Variants in ABCA7 observed in about 807,000 individuals in gnomAD.
ABCA7 encodes the protein phospholipid-transporting ATPase ABCA7.
In ABCA7, 261 loss-of-function variants were observed where a neutral mutation model predicts 227.6. That is an observed-to-expected ratio of 1.15 (90% CI 1.04 to 1.27). The LOEUF is 1.27. ABCA7 is among the 50% of genes most tolerant of loss of function. The pLI is 0.00. For synonymous variants in ABCA7, 1,488 were observed against 1,279.7 expected (o/e 1.16, Z -3.47); for missense variants, 3,331 against 2,924.5 (o/e 1.14, Z -3.21).
At chr19:1,042,581 C>T in intron 6 of ABCA7, 165 bp from the exon 7 acceptor site, 1 of 1,009,814 alleles carries the variant, frequency 9.9e-7, no homozygotes, top group Non-Finnish European at 1.5e-6. Flanking sequence ...GTGAGGAAGA[C>T]TCGTCTGTGA....
chr19:1,063,943 G>A, intron 44 of ABCA7, 80 bp downstream of exon 44: 1 of 1,446,844 alleles, frequency 6.9e-7, no homozygotes, highest in East Asian at 2.5e-5. Context: ...CAAGGCCACA[G>A]GGGATGGGGG....
rs3752232 is a variant in ABCA7, at chr19:1,043,749, A to G, written c.955A>G (p.Thr319Ala). ...GGTGAACCGGACCTTCGAGGAGCTC[A>G]CCCTGCTGAGGGATGTCCGGGAGGT... ...AQVNRTFEEL[T>A]LLRDVREVWE... Residue 319 changes from threonine (T) to alanine (A), a missense_variant, in exon 10 of 47, where the codon ACC becomes GCC. Coordinates refer to ENST00000263094, the MANE Select transcript of ABCA7 (RefSeq NM_019112.4). 0.051 allele frequency: 81,831 copies of G among 1,612,638 alleles called. 3,836 individuals are homozygous for G. The highest frequency in any genetic ancestry group is 0.25 in the African/African-American group (18,473 of 74,712).
chr19:1,048,866 T>C (rs2041047439), intron 16 of ABCA7, 29 bp from the exon 17 acceptor site: 1 of 1,364,096 alleles, frequency 7.3e-7, no homozygotes, highest in Admixed American at 2.1e-5. Flanking sequence ...GGGGGTGGGC[T>C]AAGCAATAAC....
At position 1,064,220 on chromosome 19, in the gene ABCA7, G is replaced by A. The variant is rs867172033; in HGVS notation, c.6011G>A (p.Arg2004His). 1 of 1,571,842 alleles carries A rather than the reference G, an allele frequency of 6.4e-7. No homozygotes were observed. Among genetic ancestry groups the A allele is most frequent in the East Asian group, 2.4e-5 (1 of 42,284 alleles). ...GCCATCATGGTGAATGGGCGGTTCC[G>A]CTGCCTGGGCAGCCCGCAACATCTC... ...RLAIMVNGRF[R>H]CLGSPQHLKG... Residue 2004 changes from arginine to histidine, a missense_variant, in exon 45 of 47, where the codon CGC becomes CAC. Transcript: ENST00000263094.
chr19:1,049,309 C>G lies in ABCA7; in HGVS notation c.2424C>G (p.Ser808=), dbSNP rs1466993754. Residue 808 remains serine (S), a synonymous_variant, in exon 18 of 47, where the codon TCC becomes TCG. Coordinates refer to ENST00000263094, the MANE Select transcript of ABCA7 (RefSeq NM_019112.4). ...CGCCCGGCCTGAGTCCTGGCGTCTCCGTTCGCAGCCTGGAGAAGCGCTTTC... is the reference window on the plus strand; with the variant it reads ...CGCCCGGCCTGAGTCCTGGCGTCTCGGTTCGCAGCCTGGAGAAGCGCTTTC... ...EAPPGLSPGV[S]VRSLEKRFPG... The G allele has an allele frequency of 1.9e-6, 3 of 1,611,404 alleles. No individual in the cohort carries two copies. Among genetic ancestry groups the G allele is most frequent in the Non-Finnish European group, 2.5e-6 (3 of 1,179,114 alleles).
chr19:1,059,187 C>G, intron 40 of ABCA7, 102 bp downstream of exon 40: 2 of 1,254,702 alleles, frequency 1.6e-6, no homozygotes, highest in Non-Finnish European at 2.1e-6. Context: ...GTATCCACCA[C>G]CTTTTATTGG....
Position 1,057,448 on chromosome 19 carries a change from C to A in ABCA7, c.4880+19C>A, listed in dbSNP as rs1396994984. 6 of 1,599,658 alleles carry A rather than the reference C, an allele frequency of 3.8e-6. No individual in the cohort carries two copies. The highest frequency in any genetic ancestry group is 5.1e-6 in the Non-Finnish European group (6 of 1,167,384). ...TGTATGGGTGAGGCCCCCAGTCCCT[C>A]AGGGCCTATTCTTACTGACCCCTTA... On this transcript the variant is annotated intron_variant, in intron 35 of 46. Transcript: ENST00000263094.
At chr19:1,046,008 A>T (rs2040608946) in intron 12 of ABCA7, among the ~76,000 whole-genome samples, 2 of 152,086 alleles carry the variant, frequency 1.3e-5, no homozygotes, top group East Asian at 1.9e-4. Context: ...CTCCGTCTCA[A>T]ACAAATGAAT....
In ABCA7 at chr19:1,048,962, C is replaced by A. The variant is rs767377773; in HGVS notation, c.2337C>A (p.Pro779=). ...GGAGCTACTGGTGCGGACCTCGGCC[C>A]CCCAAGAGTCCAGCCCCTTGCCCCA... is the stretch of plus-strand genomic sequence containing the variant. ...FRRSYWCGPR[P]PKSPAPCPTP... The change falls in exon 17 of 47, where the codon CCC becomes CCA. Residue 779 remains proline (P), a synonymous_variant. Transcript: ENST00000263094. The A allele has an allele frequency of 1.2e-6, 2 of 1,609,092 alleles. No homozygotes were observed. Among genetic ancestry groups the A allele is most frequent in the Non-Finnish European group, 8.5e-7 (1 of 1,178,250 alleles).
At chr19:1,047,723 G>A in intron 16 of ABCA7, 69 bp downstream of exon 16, 1 of 1,458,156 alleles carries the variant, frequency 6.9e-7, no homozygotes, top group Non-Finnish European at 9.1e-7. Context: ...CTAGGGGTGT[G>A]GCCTCCAGGC....
At chr19:1,064,002 A>C in intron 44 of ABCA7, 139 bp downstream of exon 44, 3 of 1,339,122 alleles carry the variant, frequency 2.2e-6, no homozygotes, top group Non-Finnish European at 2.0e-6. Context: ...GTGTAAGGAC[A>C]CACAGAGGTG....
rs1171869239 is a variant in ABCA7, at chr19:1,056,035, G to C, written c.4239-31G>C. The C allele has an allele frequency of 6.4e-7, 1 of 1,562,550 alleles. No individual in the cohort carries two copies. Among genetic ancestry groups the C allele is most frequent in the African/African-American group, 1.4e-5 (1 of 73,824 alleles). ...GCTCTCCCGGCCCCCCCGGCCCTCA[G>C]CTCCCCTTCCCTGCCTGCATGGCCC... On this transcript the variant is annotated intron_variant, in intron 31 of 46. Transcript: ENST00000263094. This position sits in a 1 kb window ranked among gnomAD's most constrained non-coding sequence, Gnocchi z 4.3.
In ABCA7 at chr19:1,065,305, C is replaced by A. The variant is rs757382975; in HGVS notation, c.6321C>A (p.Asp2107Glu). ...FLYFSKDQGK[D>E]EDTEEQKEAG... ...ACTTCTCCAAGGACCAGGGGAAGGA[C>A]GAGGACACCGAAGAGCAGAAGGAGG... Residue 2107 changes from aspartate (D) to glutamate (E), a missense_variant, in exon 47 of 47, where the codon GAC (aspartate) becomes GAA (glutamate). Coordinates refer to ENST00000263094, the MANE Select transcript of ABCA7 (RefSeq NM_019112.4). 8.1e-6 allele frequency: 13 copies of A among 1,613,524 alleles called. No homozygotes were observed. The highest frequency in any genetic ancestry group is 1.3e-5 in the African/African-American group (1 of 75,040).
intron 25 of ABCA7, 53 bp from the exon 26 acceptor site, chr19:1,053,953 A>G: frequency 6.2e-7 from 1 of 1,608,176 alleles, no homozygotes; most frequent in South Asian, 1.1e-5. Context: ...CTGATTCCTG[A>G]TCCCCCAATC....
chr19:1,057,851 T>C, intron 35 of ABCA7, 64 bp from the exon 36 acceptor site: 1 of 1,575,166 alleles, frequency 6.3e-7, no homozygotes, highest in Non-Finnish European at 8.7e-7. Flanking sequence ...GAATGGAGAT[T>C]TTTATTCCTC....
At chr19:1,042,694 A>G (rs773550028) in intron 6 of ABCA7, 52 bp from the exon 7 acceptor site, 7 of 1,561,538 alleles carry the variant, frequency 4.5e-6, no homozygotes, top group Non-Finnish European at 6.2e-6. Flanking sequence ...AGAGCGCTGG[A>G]CCCCTAGTGA....
At chr19:1,061,280 C>T (rs950290792) in intron 40 of ABCA7, among the ~76,000 whole-genome samples, 1 of 151,524 alleles carries the variant, frequency 6.6e-6, no homozygotes, top group African/African-American at 2.4e-5. Flanking sequence ...GCCTGTAGTC[C>T]CAGCTACTCC....
At position 1,053,849 on chromosome 19, in the gene ABCA7, C is replaced by T; in HGVS notation, c.3472+13C>T. 1 of 1,608,038 alleles carries T rather than the reference C, an allele frequency of 6.2e-7. No individual in the cohort carries two copies. The highest frequency in any genetic ancestry group is 1.1e-5 in the South Asian group (1 of 90,716). On this transcript the variant is annotated intron_variant, in intron 25 of 46. Coordinates refer to ENST00000263094, the MANE Select transcript of ABCA7 (RefSeq NM_019112.4). The stretch of plus-strand genomic sequence containing the variant: ...ACAGATATGGAGGGTGCGGCCACAG[C>T]TCCCTGACCCCTGACCCCAGTCCAG...
At position 1,051,437 on chromosome 19, in the gene ABCA7, C is replaced by A; in HGVS notation, c.2825-12C>A. The A allele has an allele frequency of 6.4e-7, 1 of 1,564,116 alleles. No individual in the cohort carries two copies. Among genetic ancestry groups the A allele is most frequent in the Non-Finnish European group, 8.7e-7 (1 of 1,150,578 alleles). On this transcript the variant is annotated splice_polypyrimidine_tract_variant and intron_variant, in intron 20 of 46. Coordinates refer to ENST00000263094, the MANE Select transcript of ABCA7 (RefSeq NM_019112.4). ...GTGTGACACACTGAGGTCCCTTCCC[C>A]ATCTCTACCAGGTGGGATGCAACGG...
Sources: allele counts gnomAD v4.1 joint callset (sites outside exome capture counted in the v4.1 genomes callset), GRCh38; gene constraint gnomAD v4.1.1; non-coding constraint Gnocchi (gnomAD v3.1); transcripts MANE v1.5; gene names NCBI Gene and HGNC (gene_info 2026-07-23, HGNC 2026-07-21).